TOR1AIP2: variants seen among roughly 807,000 people sequenced by gnomAD.
TOR1AIP2 encodes torsin-1A-interacting protein 2.
A neutral mutation model predicts 32.6 loss-of-function variants in TOR1AIP2; 20 were observed. That is an observed-to-expected ratio of 0.61 (90% CI 0.43 to 0.89). The LOEUF is 0.89. TOR1AIP2 is among the 40% of genes least tolerant of loss of function. The pLI is 0.00. For missense variants in TOR1AIP2, 456 were observed against 553.8 expected, an observed-to-expected ratio of 0.82 and a Z score of 1.77; for synonymous variants, 214 against 210.8, an observed-to-expected ratio of 1.02 and a Z score of -0.13.
intron 3 of TOR1AIP2, chr1:179,861,933 CA>C: frequency 2.1e-6 from 2 of 972,642 alleles, no homozygotes; most frequent in South Asian, 9.5e-5. Context: ...CTCCTGGGCT[CA>C]AGTGATCCTG....
chr1:179,856,456 T>C (rs1696305095), intron 3 of TOR1AIP2, among the ~76,000 whole-genome samples: 1 of 152,216 alleles, frequency 6.6e-6, no homozygotes, highest in Admixed American at 6.5e-5. Context: ...CCCCACTTCA[T>C]TCAGACCTTT....
Position 179,850,131 on chromosome 1 carries a change from G to GCC in TOR1AIP2, c.553+713_553+714insGG, listed in dbSNP as rs1160182425. 1.4e-3 allele frequency among the ~76,000 whole-genome samples: 219 copies of GCC among 152,282 alleles called. 1 individual carries two copies. The highest frequency in any genetic ancestry group is 5.2e-3 in the African/African-American group (215 of 41,536). On this transcript the variant is annotated intron_variant, in intron 5 of 6. Coordinates refer to ENST00000609928, the MANE Select transcript of TOR1AIP2 (RefSeq NM_001199260.2). ...AAGGTGAAAGTTAGAAGAATGTTTG[G>GCC]ATATCATCTTGTCCAACTTCTTCAT...
chr1:179,852,630 AC>A lies in TOR1AIP2; in HGVS notation c.34+1del. ...CCTCAGTGCCAGACAAATCAGTCTT[AC>A]CCTCTTGAGGTTCCCTAAGTCCACT... is the stretch of plus-strand genomic sequence containing the variant. On this transcript the variant is annotated splice_donor_variant, in intron 4 of 6. Transcript: ENST00000609928. LOFTEE classifies it high-confidence loss of function. The A allele has an allele frequency of 1.9e-6, 3 of 1,613,896 alleles. No homozygotes were observed. Among genetic ancestry groups the A allele is most frequent in the Non-Finnish European group, 2.5e-6 (3 of 1,179,924 alleles).
intron 2 of TOR1AIP2, among the ~76,000 whole-genome samples, chr1:179,876,642 CA>C (rs11463245): frequency 6.9e-5 from 10 of 145,640 alleles, no homozygotes; most frequent in South Asian, 2.2e-4. Context: ...ATCTTGTGCT[CA>C]AAAAAAAAAG....
In TOR1AIP2 at chr1:179,864,811, G is replaced by A. The variant is rs1439964257; in HGVS notation, c.-147+625C>T. 1.9e-6 allele frequency: 3 copies of A among 1,605,740 alleles called. No individual in the cohort carries two copies. The Admixed American group carries it at 5.2e-5, about 28-fold the overall frequency. The stretch of plus-strand genomic sequence containing the variant: ...TGTTTTGGCCCAGTTTTTTGTTTAA[G>A]GTTTTATCTGTTCTGGTCAAGATTA... On this transcript the variant is annotated intron_variant, in intron 3 of 6. Transcript: ENST00000609928.
chr1:179,865,287 G>A, intron 3 of TOR1AIP2, 149 bp downstream of exon 3: 1 of 1,354,190 alleles, frequency 7.4e-7, no homozygotes, highest in East Asian at 2.4e-5. Context: ...CAATTTCTTA[G>A]TTCAACCAAT....
chr1:179,860,036 G>C, intron 3 of TOR1AIP2: 1 of 733,574 alleles, frequency 1.4e-6, no homozygotes, highest in Non-Finnish European at 1.7e-6. Flanking sequence ...TTGTAGAGTT[G>C]GGGGTCTCAC....
In TOR1AIP2 at chr1:179,844,175, C is replaced by T. The variant is rs1379264602; in HGVS notation, c.*1896G>A. 1 of 152,160 alleles carries T rather than the reference C, an allele frequency of 6.6e-6. No homozygotes were observed. The highest frequency in any genetic ancestry group is 6.5e-5 in the Admixed American group (1 of 15,270). 9.4% of individuals were successfully genotyped at this position (152,160 alleles called of 1,614,324 possible). ...AATGTGCATATGGGATACAGATTTT[C>T]CTTCAACTTCCTCTGCTTTTATACT... On this transcript the variant is annotated 3_prime_UTR_variant, in exon 7 of 7. Transcript: ENST00000609928.
At chr1:179,847,009 A>ATT (rs1173240202) in intron 6 of TOR1AIP2, among the ~76,000 whole-genome samples, 181 bp from the exon 7 acceptor site, 18 of 152,240 alleles carry the variant, frequency 1.2e-4, no homozygotes, top group Admixed American at 1.0e-3. Flanking sequence ...ATCTCTTCTC[A>ATT]GATTTAATTA....
intron 2 of TOR1AIP2, among the ~76,000 whole-genome samples, chr1:179,871,518 A>G (rs920312616): frequency 3.3e-5 from 5 of 152,220 alleles, no homozygotes; most frequent in Admixed American, 3.3e-4. Flanking sequence ...CCTTCAATAG[A>G]TAAAAATTCC....
At chr1:179,859,145 A>G in intron 3 of TOR1AIP2, 1 of 985,430 alleles carries the variant, frequency 1.0e-6, no homozygotes, top group Non-Finnish European at 1.2e-6. Flanking sequence ...AAGTAGTTAC[A>G]ATCCTGCTAT....
intron 2 of TOR1AIP2, among the ~76,000 whole-genome samples, chr1:179,866,585 A>C (rs1696785893): frequency 6.6e-6 from 1 of 152,094 alleles, no homozygotes; most frequent in Non-Finnish European, 1.5e-5. Flanking sequence ...TTGTATTTTT[A>C]GTAGAGACGG....
chr1:179,845,362 G>A lies in TOR1AIP2; in HGVS notation c.*709C>T, dbSNP rs1370356557. 1 of 152,120 alleles carries A rather than the reference G, an allele frequency of 6.6e-6. No individual in the cohort carries two copies. The highest frequency in any genetic ancestry group is 1.5e-5 in the Non-Finnish European group (1 of 68,010). 9.4% of individuals were successfully genotyped at this position (152,120 alleles called of 1,614,324 possible). On this transcript the variant is annotated 3_prime_UTR_variant, in exon 7 of 7. Transcript: ENST00000609928. ...CAAGAAAAGCTGAAGTAAAGATATA[G>A]CCAATTGGAATTTCTTCATTTCCAA...
At chr1:179,873,197 T>C (rs1428889244) in intron 2 of TOR1AIP2, among the ~76,000 whole-genome samples, 1 of 152,192 alleles carries the variant, frequency 6.6e-6, no homozygotes, top group East Asian at 1.9e-4. Flanking sequence ...CGGTGTTTTT[T>C]GTTTTTAAAA....
intron 3 of TOR1AIP2, chr1:179,863,392 G>C (rs1161800757): frequency 1.0e-6 from 1 of 985,092 alleles, no homozygotes; most frequent in African/African-American, 1.7e-5. Flanking sequence ...TTTTGGGAAA[G>C]ACTTGATTCC....
intron 5 of TOR1AIP2, among the ~76,000 whole-genome samples, chr1:179,849,093 G>A (rs929045825): frequency 2.6e-5 from 4 of 151,976 alleles, no homozygotes; most frequent in South Asian, 2.1e-4. Context: ...CCGAGACAGC[G>A]CCACTGCAGT....
chr1:179,864,516 G>A, intron 3 of TOR1AIP2: 2 of 1,167,320 alleles, frequency 1.7e-6, no homozygotes, highest in Non-Finnish European at 2.1e-6. Context: ...TGGTAAGTTA[G>A]TTCCAAAACA....
At chr1:179,860,286 C>A in intron 3 of TOR1AIP2, 1 of 838,242 alleles carries the variant, frequency 1.2e-6, no homozygotes, top group Non-Finnish European at 1.4e-6. Context: ...AGCTCAAGAC[C>A]AGCTTGGGCA....
intron 2 of TOR1AIP2, chr1:179,876,127 A>C (rs1290702565): frequency 6.6e-6 from 1 of 152,218 alleles, no homozygotes; most frequent in East Asian, 1.9e-4. Context: ...TTTTTGAAGC[A>C]AACATTCCTT....
Sources: gnomAD v4.1 joint callset for allele counts (sites outside exome capture counted in the v4.1 genomes callset) on GRCh38, gnomAD v4.1.1 for gene constraint, MANE v1.5 for transcripts, NCBI Gene and HGNC (gene_info 2026-07-23, HGNC 2026-07-21) for gene names.